Variants in PTPRM observed in about 807,000 individuals in gnomAD.
The protein encoded by PTPRM is receptor-type tyrosine-protein phosphatase mu.
A neutral mutation model predicts 186.7 loss-of-function variants in PTPRM; 47 were observed. That is an observed-to-expected ratio of 0.25 (90% CI 0.20 to 0.32). PTPRM has a LOEUF of 0.32. Among genes scored for constraint, PTPRM ranks in the 10% least tolerant of loss-of-function variants. The probability of loss-of-function intolerance (pLI) is 1.00; values close to 1 mark genes in which losing one functional copy is unlikely to be tolerated. For missense variants in PTPRM, 1,494 were observed against 1,865.0 expected (o/e 0.80, Z 3.66); for synonymous variants, 668 against 674.9 (o/e 0.99, Z 0.16).
intron 14 of PTPRM, among the ~76,000 whole-genome samples, chr18:8,208,205 G>A (rs1191543171): frequency 6.6e-6 from 1 of 152,160 alleles, no homozygotes; most frequent in Admixed American, 6.5e-5. Context: ...GTTCATTTTA[G>A]TGCAGGCGAG....
At chr18:8,277,561 AC>A (rs758153198) in intron 19 of PTPRM, among the ~76,000 whole-genome samples, 2 of 152,266 alleles carry the variant, frequency 1.3e-5, no homozygotes, top group African/African-American at 2.4e-5. Flanking sequence ...GAGAAGAGAT[AC>A]TGAAATTCTT....
At chr18:7,733,282 T>G (rs1192875577) in intron 1 of PTPRM, among the ~76,000 whole-genome samples, 2 of 151,998 alleles carry the variant, frequency 1.3e-5, no homozygotes, top group African/African-American at 4.8e-5. Flanking sequence ...TTCTCCTCCT[T>G]GGTTTCCATG....
intron 1 of PTPRM, among the ~76,000 whole-genome samples, chr18:7,665,515 ATTCT>A (rs1413707294): frequency 6.6e-6 from 1 of 152,212 alleles, no homozygotes; most frequent in African/African-American, 2.4e-5. Flanking sequence ...AGGCAAAATT[ATTCT>A]TTCTTCTGTC....
intron 2 of PTPRM, among the ~76,000 whole-genome samples, chr18:7,853,614 CTCT>C (rs2046965442): frequency 1.3e-5 from 2 of 152,330 alleles, no homozygotes; most frequent in South Asian, 4.1e-4. Flanking sequence ...TCTGAATCTT[CTCT>C]TCTTCTCAAA....
intron 1 of PTPRM, among the ~76,000 whole-genome samples, chr18:7,586,274 G>A (rs2036976882): frequency 6.6e-6 from 1 of 152,086 alleles, no homozygotes; most frequent in Non-Finnish European, 1.5e-5. Context: ...ATGCTTCTCT[G>A]TTGGTTGGTT....
chr18:8,248,355 C>T, intron 17 of PTPRM, 179 bp downstream of exon 17: 1 of 712,388 alleles, frequency 1.4e-6, no homozygotes. Flanking sequence ...TCTAAACAGT[C>T]GCCATTAATA....
intron 14 of PTPRM, among the ~76,000 whole-genome samples, chr18:8,188,518 G>A (rs901431203): frequency 9.9e-5 from 15 of 152,264 alleles, no homozygotes; most frequent in East Asian, 5.8e-4. Context: ...GCCCCACACC[G>A]TGACGAAACG....
chr18:7,738,556 C>T (rs1184079057), intron 1 of PTPRM, among the ~76,000 whole-genome samples: 1 of 152,004 alleles, frequency 6.6e-6, no homozygotes, highest in African/African-American at 2.4e-5. Context: ...CTGCCTCAGC[C>T]TCCCGAGTAG....
intron 3 of PTPRM, among the ~76,000 whole-genome samples, chr18:7,896,307 C>T (rs763675775): frequency 2.6e-5 from 4 of 152,116 alleles, no homozygotes; most frequent in Non-Finnish European, 4.4e-5. Context: ...TCTGCACCCC[C>T]GCCTCCTGTT....
chr18:8,114,603 A>G (rs1026596659), intron 12 of PTPRM, among the ~76,000 whole-genome samples, 188 bp from the exon 13 acceptor site: 5 of 152,210 alleles, frequency 3.3e-5, no homozygotes, highest in African/African-American at 1.2e-4. Context: ...AATGCCCAGC[A>G]CTGCCTGCCA....
At chr18:7,683,404 T>C (rs1568027145) in intron 1 of PTPRM, among the ~76,000 whole-genome samples, 1 of 152,136 alleles carries the variant, frequency 6.6e-6, no homozygotes, top group East Asian at 1.9e-4. Flanking sequence ...AACTCCTGGC[T>C]GGAAGGGATC....
intron 7 of PTPRM, among the ~76,000 whole-genome samples, chr18:8,051,046 A>G (rs1208905048): frequency 1.3e-5 from 2 of 152,154 alleles, no homozygotes; most frequent in African/African-American, 4.8e-5. Flanking sequence ...TAGGAAGCCT[A>G]TTACTGTGTG....
intron 32 of PTPRM, chr18:8,403,072 A>G (rs574695676): frequency 6.6e-6 from 1 of 152,340 alleles, no homozygotes; most frequent in South Asian, 2.1e-4. Context: ...TTTTATGACC[A>G]GAGGGGAATG....
At chr18:7,871,472 T>A (rs1247320327) in intron 2 of PTPRM, among the ~76,000 whole-genome samples, 1 of 152,232 alleles carries the variant, frequency 6.6e-6, no homozygotes, top group Admixed American at 6.5e-5. Flanking sequence ...ATTACTTAAT[T>A]ACACAGTTGC....
chr18:7,739,882 T>G (rs1037634255), intron 1 of PTPRM, among the ~76,000 whole-genome samples: 10 of 152,222 alleles, frequency 6.6e-5, no homozygotes, highest in Middle Eastern at 3.2e-3. Context: ...CATCTGTGTG[T>G]CTCTTAGAGT....
At chr18:7,973,049 A>G (rs940163807) in intron 7 of PTPRM, among the ~76,000 whole-genome samples, 4 of 152,178 alleles carry the variant, frequency 2.6e-5, no homozygotes, top group African/African-American at 9.7e-5. Context: ...ATAAACATAT[A>G]TAACCCACAT....
intron 1 of PTPRM, among the ~76,000 whole-genome samples, chr18:7,649,998 C>T (rs989829342): frequency 1.3e-5 from 2 of 151,988 alleles, no homozygotes; most frequent in Admixed American, 1.3e-4. Flanking sequence ...GTAAACATAA[C>T]TTTTATATGC....
At chr18:8,085,404 C>G (rs985441772) in intron 9 of PTPRM, among the ~76,000 whole-genome samples, 1 of 152,088 alleles carries the variant, frequency 6.6e-6, no homozygotes, top group Non-Finnish European at 1.5e-5. Flanking sequence ...ATTTTGAAAG[C>G]AAACAACTTC....
At chr18:7,937,580 C>T (rs374555570) in intron 5 of PTPRM, among the ~76,000 whole-genome samples, 12 of 152,344 alleles carry the variant, frequency 7.9e-5, no homozygotes, top group African/African-American at 2.6e-4. Context: ...CCGCTGGGCC[C>T]GAGCAAAACT....
Sources: allele counts gnomAD v4.1 joint callset (sites outside exome capture counted in the v4.1 genomes callset), GRCh38; gene constraint gnomAD v4.1.1; transcripts MANE v1.5; gene names NCBI Gene and HGNC (gene_info 2026-07-23, HGNC 2026-07-21).